The following ACTL10 variants were observed in gnomAD, a reference collection of about 807,000 sequenced individuals.
ACTL10 encodes the protein actin like 10, also known as actin-like protein 10.
For missense variants in ACTL10, 413 were observed against 359.4 expected (o/e 1.15, Z -1.21); for synonymous variants, 180 against 169.9 (o/e 1.06, Z -0.46).
rs1253603924 is a variant in ACTL10, at chr20:33,667,557, G to T, written c.60G>T (p.Val20=). Residue 20 remains valine (V), a synonymous_variant, in exon 1 of 1, where the codon GTG becomes GTT. Transcript: ENST00000677665. ...CSTGAFSGLA[V]EAGAGVCHAT... is the part of the protein sequence containing the mutation. ...CCGGCGCGTTCAGCGGGCTGGCCGT[G>T]GAGGCGGGCGCGGGCGTGTGCCACG... 2 of 1,553,786 alleles carry T rather than the reference G, an allele frequency of 1.3e-6. No individual in the cohort carries two copies. The highest frequency in any genetic ancestry group is 3.8e-5 in the Admixed American group (2 of 52,572).
In ACTL10 at chr20:33,667,572, C is replaced by T; in HGVS notation, c.75C>T (p.Gly25=). ...FSGLAVEAGA[G]VCHATPIYAG... Reference sequence around the variant, plus strand: ...GGCTGGCCGTGGAGGCGGGCGCGGGCGTGTGCCACGCCACGCCCATCTACG... The same window carrying T: ...GGCTGGCCGTGGAGGCGGGCGCGGGTGTGTGCCACGCCACGCCCATCTACG... Residue 25 remains glycine (G), a synonymous_variant, in exon 1 of 1, where the codon GGC becomes GGT. Coordinates refer to ENST00000677665, the MANE Select transcript of ACTL10 (RefSeq NM_001024675.2). 9 of 1,559,444 alleles carry T rather than the reference C, an allele frequency of 5.8e-6. No homozygotes were observed. Among genetic ancestry groups the T allele is most frequent in the Non-Finnish European group, 7.8e-6 (9 of 1,155,182 alleles).
rs2017685852 is a variant in ACTL10 at position 33,667,282 on chromosome 20, G to C, written c.-216G>C. The C allele has an allele frequency of 2.0e-6, 1 of 512,270 alleles. No individual in the cohort carries two copies. Among genetic ancestry groups the C allele is most frequent in the East Asian group, 3.7e-5 (1 of 27,036 alleles). The allele number at this position is 512,270 out of a possible 1,614,324, so 31.7% of individuals were successfully genotyped here. Reference sequence around the variant, plus strand: ...GCCCGGAGCGCCGGGCTGCGAGCTGGCGGGCGGCGTGGCGCGGGCGCACCC... The same window carrying C: ...GCCCGGAGCGCCGGGCTGCGAGCTGCCGGGCGGCGTGGCGCGGGCGCACCC... On this transcript the variant is annotated 5_prime_UTR_variant, in exon 1 of 1. Transcript: ENST00000677665.
chr20:33,667,965 G>A lies in ACTL10; in HGVS notation c.468G>A (p.Arg156=). The A allele has an allele frequency of 6.4e-7, 1 of 1,550,670 alleles. No individual in the cohort carries two copies. Among genetic ancestry groups the A allele is most frequent in the South Asian group, 1.2e-5 (1 of 84,704 alleles). ...RALQKMPKTL[R]TRLADTVVLA... ...TGCAGAAGATGCCCAAAACGCTGCG[G>A]ACACGCCTGGCAGACACCGTGGTGC... The change falls in exon 1 of 1, where the codon CGG becomes CGA. Residue 156 remains arginine (R), a synonymous_variant. Coordinates refer to ENST00000677665, the MANE Select transcript of ACTL10 (RefSeq NM_001024675.2).
Position 33,667,827 on chromosome 20 carries a change from C to T in ACTL10, c.330C>T (p.Asn110=). The change falls in exon 1 of 1, where the codon AAC becomes AAT. Residue 110 remains asparagine (N), a synonymous_variant. Transcript: ENST00000677665. The part of the protein sequence containing the change: ...RHHPASFSVG[N]GCCVCLSSER... ...ATCCGGCCAGTTTCAGCGTGGGTAA[C>T]GGGTGCTGCGTCTGCCTCAGCAGTG... The T allele has an allele frequency of 6.2e-7, 1 of 1,611,760 alleles. No homozygotes were observed. The highest frequency in any genetic ancestry group is 8.5e-7 in the Non-Finnish European group (1 of 1,179,462).
Position 33,667,570 on chromosome 20 carries a change from G to A in ACTL10, c.73G>A (p.Gly25Ser). The A allele has an allele frequency of 1.9e-6, 3 of 1,558,968 alleles. No homozygotes were observed. Among genetic ancestry groups the A allele is most frequent in the South Asian group, 2.3e-5 (2 of 86,480 alleles). ...FSGLAVEAGA[G>S]VCHATPIYAG... ...CGGGCTGGCCGTGGAGGCGGGCGCG[G>A]GCGTGTGCCACGCCACGCCCATCTA... Residue 25 changes from glycine (G) to serine (S), a missense_variant, in exon 1 of 1, where the codon GGC (glycine) becomes AGC (serine). Physicochemically the swap from Gly to Ser is moderately conservative, Grantham distance 56. Coordinates refer to ENST00000677665, the MANE Select transcript of ACTL10 (RefSeq NM_001024675.2).
Position 33,668,053 on chromosome 20 carries a change from C to T in ACTL10, c.556C>T (p.Gln186Ter). ...GCGCCTGGACAAGGAGCTGGAGGCG[C>T]AGTGCCGGCGGCACGGCTACGCGGC... ...AERLDKELEAQCRRHGYAALR... is the reference protein window; with the variant it reads ...AERLDKELEA Residue 186 changes from glutamine to a stop codon, truncating the protein, a stop_gained, in exon 1 of 1, where the codon CAG (glutamine) becomes TAG (stop). Transcript: ENST00000677665. LOFTEE classifies it low-confidence loss of function (END_TRUNC). The T allele has an allele frequency of 6.4e-7, 1 of 1,560,886 alleles. No individual in the cohort carries two copies. Among genetic ancestry groups the T allele is most frequent in the Non-Finnish European group, 8.7e-7 (1 of 1,153,038 alleles).
In ACTL10 at chr20:33,667,381, C is replaced by A. The variant is rs1271995883; in HGVS notation, c.-117C>A. 4.7e-6 allele frequency: 6 copies of A among 1,276,098 alleles called. No homozygotes were observed. Among genetic ancestry groups the A allele is most frequent in the Non-Finnish European group, 6.0e-6 (6 of 999,004 alleles). 79.0% of individuals were successfully genotyped at this position (1,276,098 alleles called of 1,614,324 possible). On this transcript the variant is annotated 5_prime_UTR_variant, in exon 1 of 1. Coordinates refer to ENST00000677665, the MANE Select transcript of ACTL10 (RefSeq NM_001024675.2). ...GGAGCGCCTGCTGGTGGGCGGCCTG[C>A]GGGTGTGCCCAGAGCAGTGGCCCGT...
Position 33,667,890 on chromosome 20 carries a change from CCTGCTGGGCCAGGCTGAGCAGGGG to C in ACTL10, c.398_421del (p.Leu133_Leu140del), listed in dbSNP as rs1438692072. 1.1e-5 allele frequency: 18 copies of C among 1,587,862 alleles called. No homozygotes were observed. In the East Asian group the frequency reaches 1.2e-4, roughly 10 times the overall value. Reference sequence around the variant, plus strand: ...GCCCCGAACCCATCTTCCAGCCGGGCCTGCTGGGCCAGGCTGAGCAGGGGCTGCCCGCGCTGGCCTTCCGGGCGC... The same window carrying C: ...GCCCCGAACCCATCTTCCAGCCGGGCCTGCCCGCGCTGGCCTTCCGGGCGC... On this transcript the variant is annotated inframe_deletion, in exon 1 of 1. Coordinates refer to ENST00000677665, the MANE Select transcript of ACTL10 (RefSeq NM_001024675.2).
At position 33,667,315 on chromosome 20, in the gene ACTL10, C is replaced by T. The variant is rs2017687777; in HGVS notation, c.-183C>T. On this transcript the variant is annotated 5_prime_UTR_variant, in exon 1 of 1. Transcript: ENST00000677665. Reference sequence around the variant, plus strand: ...CGTGGCGCGGGCGCACCCCATCAAGCACGGCGTGGTGGCGGACTGGGAGGC... The same window carrying T: ...CGTGGCGCGGGCGCACCCCATCAAGTACGGCGTGGTGGCGGACTGGGAGGC... 1 of 773,756 alleles carries T rather than the reference C, an allele frequency of 1.3e-6. No homozygotes were observed. Among genetic ancestry groups the T allele is most frequent in the Admixed American group, 4.3e-5 (1 of 23,118 alleles). 47.9% of individuals were successfully genotyped at this position (773,756 alleles called of 1,614,324 possible).
At position 33,667,490 on chromosome 20, in the gene ACTL10, C is replaced by T; in HGVS notation, c.-8C>T. ...CTGTTCGAGACCCTGGCAGTGCCCGCGTGCCACATGGCTAGCACCGCGTTG... is the reference window on the plus strand; with the variant it reads ...CTGTTCGAGACCCTGGCAGTGCCCGTGTGCCACATGGCTAGCACCGCGTTG... On this transcript the variant is annotated 5_prime_UTR_variant, in exon 1 of 1. Transcript: ENST00000677665. 2 of 1,478,966 alleles carry T rather than the reference C, an allele frequency of 1.4e-6. No homozygotes were observed. The highest frequency in any genetic ancestry group is 1.3e-5 in the South Asian group (1 of 75,244). The allele number at this position is 1,478,966 out of a possible 1,614,324, so 91.6% of individuals were successfully genotyped here.
At position 33,667,585 on chromosome 20, in the gene ACTL10, A is replaced by ACGCCC. The variant is rs765914038; in HGVS notation, c.89_93dup (p.Ile32ArgfsTer16). On this transcript the variant is annotated frameshift_variant, in exon 1 of 1. Transcript: ENST00000677665. LOFTEE classifies it low-confidence loss of function (END_TRUNC). Reference sequence around the variant, plus strand: ...GGCGGGCGCGGGCGTGTGCCACGCCACGCCCATCTACGCGGGTCACTCGTG... The same window carrying ACGCCC: ...GGCGGGCGCGGGCGTGTGCCACGCCACGCCCCGCCCATCTACGCGGGTCACTCGTG... 25 of 1,565,522 alleles carry ACGCCC rather than the reference A, an allele frequency of 1.6e-5. No homozygotes were observed. Among genetic ancestry groups the ACGCCC allele is most frequent in the Admixed American group, 5.6e-5 (3 of 53,620 alleles).
At position 33,668,346 on chromosome 20, in the gene ACTL10, G is replaced by C. The variant is rs1235358552; in HGVS notation, c.*111G>C. The C allele has an allele frequency of 7.5e-6, 11 of 1,458,960 alleles. No homozygotes were observed. In the East Asian group the frequency reaches 2.3e-4, roughly 31 times the overall value. 90.4% of individuals were successfully genotyped at this position (1,458,960 alleles called of 1,614,324 possible). A position where few individuals can be genotyped will look rare whatever the true frequency, so the allele number is the denominator to read the frequency against. ...CCTGGAGGTTGGAGCTGACTGGATG[G>C]GTCACCCCCATACCCTTTCTGGGCC... On this transcript the variant is annotated 3_prime_UTR_variant, in exon 1 of 1. Transcript: ENST00000677665.
Position 33,668,480 on chromosome 20 carries a change from C to T in ACTL10, c.*245C>T, listed in dbSNP as rs4911357. 20,387 of 477,614 alleles carry T rather than the reference C, an allele frequency of 0.043. 2,299 individuals are homozygous for T. The highest frequency in any genetic ancestry group is 0.26 in the African/African-American group (13,156 of 50,054). 29.6% of individuals were successfully genotyped at this position (477,614 alleles called of 1,614,324 possible). ...CAGTCCAGCTGCCTACCCACAGGGC[C>T]CTACTTTATGGCAATAAAGGTGATG... On this transcript the variant is annotated 3_prime_UTR_variant, in exon 1 of 1. Transcript: ENST00000677665.
Position 33,667,884 on chromosome 20 carries a change from G to A in ACTL10, c.387G>A (p.Gln129=), listed in dbSNP as rs2017724639. The A allele has an allele frequency of 2.5e-6, 4 of 1,591,888 alleles. No individual in the cohort carries two copies. The highest frequency in any genetic ancestry group is 3.4e-6 in the Non-Finnish European group (4 of 1,169,536). ...ERFRCPEPIF[Q]PGLLGQAEQG... The stretch of plus-strand genomic sequence containing the variant: ...TCCGCTGCCCCGAACCCATCTTCCA[G>A]CCGGGCCTGCTGGGCCAGGCTGAGC... Residue 129 remains glutamine, a synonymous_variant, in exon 1 of 1, where the codon CAG becomes CAA. Coordinates refer to ENST00000677665, the MANE Select transcript of ACTL10 (RefSeq NM_001024675.2).
In ACTL10 at chr20:33,667,978, G is replaced by C. The variant is rs1274667444; in HGVS notation, c.481G>C (p.Asp161His). The C allele has an allele frequency of 4.5e-6, 7 of 1,549,036 alleles. No individual in the cohort carries two copies. Among genetic ancestry groups the C allele is most frequent in the African/African-American group, 1.4e-5 (1 of 73,046 alleles). The change falls in exon 1 of 1, where the codon GAC becomes CAC. Residue 161 changes from aspartate to histidine, a missense_variant. Transcript: ENST00000677665. ...MPKTLRTRLADTVVLAGGSTL... is the reference protein window; with the variant it reads ...MPKTLRTRLAHTVVLAGGSTL... ...CAAAACGCTGCGGACACGCCTGGCA[G>C]ACACCGTGGTGCTAGCCGGCGGCTC...
Position 33,668,249 on chromosome 20 carries a change from G to A in ACTL10, c.*14G>A, listed in dbSNP as rs73261831. On this transcript the variant is annotated 3_prime_UTR_variant, in exon 1 of 1. Coordinates refer to ENST00000677665, the MANE Select transcript of ACTL10 (RefSeq NM_001024675.2). ...GTGTTCAACTGAGTCAGGCTGGACT[G>A]GGGGGGGTGGCACTGCGTTGGGGGA... 1.3e-6 allele frequency: 2 copies of A among 1,526,336 alleles called. No individual in the cohort carries two copies. Among genetic ancestry groups the A allele is most frequent in the South Asian group, 2.5e-5 (2 of 79,242 alleles). 94.5% of individuals were successfully genotyped at this position (1,526,336 alleles called of 1,614,324 possible).
At position 33,667,828 on chromosome 20, in the gene ACTL10, G is replaced by A. The variant is rs2017722077; in HGVS notation, c.331G>A (p.Gly111Arg). The A allele has an allele frequency of 3.7e-6, 6 of 1,611,754 alleles. No individual in the cohort carries two copies. Among genetic ancestry groups the A allele is most frequent in the African/African-American group, 1.3e-5 (1 of 75,010 alleles). ...TCCGGCCAGTTTCAGCGTGGGTAAC[G>A]GGTGCTGCGTCTGCCTCAGCAGTGA... ...HHPASFSVGN[G>R]CCVCLSSERF... Residue 111 changes from glycine to arginine, a missense_variant, in exon 1 of 1, where the codon GGG (glycine) becomes AGG (arginine). By Grantham distance (125) the Gly-to-Arg change is moderately radical. Transcript: ENST00000677665.
rs1020671838 is a variant in ACTL10, at chr20:33,667,396, C to G, written c.-102C>G. 1.6e-4 allele frequency: 216 copies of G among 1,385,000 alleles called. No individual in the cohort carries two copies. Among genetic ancestry groups the G allele is most frequent in the Non-Finnish European group, 2.0e-4 (215 of 1,070,112 alleles). The allele number at this position is 1,385,000 out of a possible 1,614,324, so 85.8% of individuals were successfully genotyped here. On this transcript the variant is annotated 5_prime_UTR_variant, in exon 1 of 1. Coordinates refer to ENST00000677665, the MANE Select transcript of ACTL10 (RefSeq NM_001024675.2). ...GGGCGGCCTGCGGGTGTGCCCAGAG[C>G]AGTGGCCCGTGCTGGTGAGCGACTC...
chr20:33,668,455 C>T lies in ACTL10; in HGVS notation c.*220C>T, dbSNP rs1475868937. 1 of 564,348 alleles carries T rather than the reference C, an allele frequency of 1.8e-6. No individual in the cohort carries two copies. Among genetic ancestry groups the T allele is most frequent in the East Asian group, 3.2e-5 (1 of 30,956 alleles). 35.0% of individuals were successfully genotyped at this position (564,348 alleles called of 1,614,324 possible). ...CAACCACTGCCAGTTCAGAGAATGC[C>T]AGTCCAGCTGCCTACCCACAGGGCC... is the stretch of plus-strand genomic sequence containing the variant. On this transcript the variant is annotated 3_prime_UTR_variant, in exon 1 of 1. Coordinates refer to ENST00000677665, the MANE Select transcript of ACTL10 (RefSeq NM_001024675.2).
Sources: gnomAD v4.1 joint callset for allele counts on GRCh38, gnomAD v4.1.1 for gene constraint, MANE v1.5 for transcripts, NCBI Gene and HGNC (gene_info 2026-07-23, HGNC 2026-07-21) for gene names.